Variants in NGLY1 observed in about 807,000 individuals in gnomAD.
The protein encoded by NGLY1 is N-glycanase 1, also known as peptide-N(4)-(N-acetyl-beta-glucosaminyl)asparagine amidase.
NGLY1 carries 68 observed loss-of-function variants against 84.6 expected under a neutral mutation model. The observed-to-expected ratio is 0.80, with a 90% CI of 0.66 to 0.98. The LOEUF is 0.98. Among genes scored for constraint, NGLY1 ranks in the 50% least tolerant of loss-of-function variants. The probability of loss-of-function intolerance (pLI) is 0.00; values close to 1 mark genes in which losing one functional copy is unlikely to be tolerated. For missense variants in NGLY1, 779 were observed against 770.2 expected, an observed-to-expected ratio of 1.01 and a Z score of -0.14; for synonymous variants, 280 against 275.2, an observed-to-expected ratio of 1.02 and a Z score of -0.17.
Position 25,736,434 on chromosome 3 carries a change from A to G in NGLY1, c.1004-285T>C, listed in dbSNP as rs912960542. ...GGTAGACATATTAAAGAGCAGCATA[A>G]AAAATATCATCCTGAGTTTACTATC... On this transcript the variant is annotated intron_variant, in intron 6 of 11. Coordinates refer to ENST00000280700, the MANE Select transcript of NGLY1 (RefSeq NM_018297.4). The G allele has an allele frequency of 7.4e-6, 11 of 1,487,444 alleles. No individual in the cohort carries two copies. The African/African-American group carries it at 1.1e-4, about 15-fold the overall frequency. The allele number at this position is 1,487,444 out of a possible 1,614,324, so 92.1% of individuals were successfully genotyped here. A position where few individuals can be genotyped will look rare whatever the true frequency, so the allele number is the denominator to read the frequency against.
chr3:25,723,446 T>A (rs1349650410), intron 10 of NGLY1, among the ~76,000 whole-genome samples: 1 of 152,150 alleles, frequency 6.6e-6, no homozygotes, highest in Non-Finnish European at 1.5e-5. Context: ...TCCTATCATC[T>A]TTTTTTGCAC....
intron 11 of NGLY1, 106 bp from the exon 12 acceptor site, chr3:25,719,741 C>A (rs928010747): frequency 2.0e-5 from 17 of 855,402 alleles, no homozygotes; most frequent in East Asian, 5.4e-5. Flanking sequence ...TTAAAATAAA[C>A]CCTTAAAAAT....
At chr3:25,756,366 A>C (rs1383603112) in intron 3 of NGLY1, among the ~76,000 whole-genome samples, 1 of 152,150 alleles carries the variant, frequency 6.6e-6, no homozygotes, top group African/African-American at 2.4e-5. Flanking sequence ...CTATATGCCT[A>C]ATGTTTTGTG....
Position 25,720,089 on chromosome 3 carries a change from T to C in NGLY1, c.1714A>G (p.Ser572Gly), listed in dbSNP as rs757626321. 3.7e-6 allele frequency: 6 copies of C among 1,613,758 alleles called. No individual in the cohort carries two copies. Among genetic ancestry groups the C allele is most frequent in the Non-Finnish European group, 5.1e-6 (6 of 1,179,822 alleles). ...LKVDSISIRT[S>G]SQTFQTGTVE... ...GTTCCAGTCTGAAAAGTTTGACTAC[T>C]TGTTCTAATAGAAATGCTATCTACT... The change falls in exon 11 of 12, where the codon AGT (serine) becomes GGT (glycine). Residue 572 changes from serine to glycine, a missense_variant. Transcript: ENST00000280700.
intron 3 of NGLY1, among the ~76,000 whole-genome samples, chr3:25,752,507 A>T (rs1706807809): frequency 6.6e-6 from 1 of 152,158 alleles, no homozygotes; most frequent in South Asian, 2.1e-4. Context: ...GGCATAAGCC[A>T]CCACGCCTGG....
chr3:25,746,366 C>T (rs1575629317), intron 4 of NGLY1, among the ~76,000 whole-genome samples: 3 of 152,198 alleles, frequency 2.0e-5, no homozygotes. Flanking sequence ...CATTTCTTTC[C>T]TATTTTAATT....
At chr3:25,765,285 C>T (rs1014359143) in intron 2 of NGLY1, among the ~76,000 whole-genome samples, 1 of 151,940 alleles carries the variant, frequency 6.6e-6, no homozygotes, top group African/African-American at 2.4e-5. Context: ...CATGGCAAAA[C>T]CCTGTCTCTA....
At chr3:25,747,674 T>C (rs1459431286) in intron 4 of NGLY1, among the ~76,000 whole-genome samples, 1 of 152,098 alleles carries the variant, frequency 6.6e-6, no homozygotes, top group Admixed American at 6.6e-5. Context: ...TCAACTGAAA[T>C]CAGTGACTTT....
At chr3:25,759,538 A>G (rs1707202306) in intron 3 of NGLY1, among the ~76,000 whole-genome samples, 1 of 152,160 alleles carries the variant, frequency 6.6e-6, no homozygotes, top group African/African-American at 2.4e-5. Context: ...ATTTTAAACA[A>G]TAAAGTTTAT....
chr3:25,740,697 C>T (rs1706094080), intron 4 of NGLY1, among the ~76,000 whole-genome samples: 1 of 151,992 alleles, frequency 6.6e-6, no homozygotes, highest in East Asian at 1.9e-4. Flanking sequence ...AAAAAAACTA[C>T]AGAGAATGTA....
chr3:25,741,131 A>G lies in NGLY1; in HGVS notation c.659-1332T>C, dbSNP rs929853771. ...TGACAGAGCGAAACTCTGTCTCATT[A>G]AAAAAAAAAAAAAAAAAAAAATTGA... is the stretch of plus-strand genomic sequence containing the variant. On this transcript the variant is annotated intron_variant, in intron 4 of 11. Coordinates refer to ENST00000280700, the MANE Select transcript of NGLY1 (RefSeq NM_018297.4). Among the ~76,000 whole-genome samples, 3 of 125,886 alleles carry G rather than the reference A, an allele frequency of 2.4e-5. No homozygotes were observed. The East Asian group carries it at 6.6e-4, about 28-fold the overall frequency. 82.6% of individuals were successfully genotyped at this position (125,886 alleles called of 152,430 possible).
At position 25,728,510 on chromosome 3, in the gene NGLY1, C is replaced by G. The variant is rs895486706; in HGVS notation, c.1611+623G>C. 3.2e-4 allele frequency among the ~76,000 whole-genome samples: 48 copies of G among 152,142 alleles called. 1 individual carries two copies. The highest frequency in any genetic ancestry group is 1.2e-3 in the African/African-American group (48 of 41,556). ...TTTTGGTGTGTTTCTAAGGAGCAGGCAGTTTTAAAGCAAAGCCTCTTATTT... is the reference window on the plus strand; with the variant it reads ...TTTTGGTGTGTTTCTAAGGAGCAGGGAGTTTTAAAGCAAAGCCTCTTATTT... On this transcript the variant is annotated intron_variant, in intron 10 of 11. Coordinates refer to ENST00000280700, the MANE Select transcript of NGLY1 (RefSeq NM_018297.4).
intron 1 of NGLY1, among the ~76,000 whole-genome samples, chr3:25,780,077 A>G (rs752285460): frequency 3.9e-5 from 6 of 152,272 alleles, no homozygotes; most frequent in Non-Finnish European, 8.8e-5. Context: ...TTATAGGTCC[A>G]TAAGGGATTG....
chr3:25,761,455 A>G (rs1707321313), intron 3 of NGLY1, among the ~76,000 whole-genome samples: 1 of 152,218 alleles, frequency 6.6e-6, no homozygotes, highest in Non-Finnish European at 1.5e-5. Context: ...ATGTACAACC[A>G]GCAAGTTTGA....
intron 10 of NGLY1, among the ~76,000 whole-genome samples, chr3:25,722,631 C>T (rs558305259): frequency 1.1e-4 from 17 of 152,300 alleles, no homozygotes; most frequent in African/African-American, 4.1e-4. Flanking sequence ...ATATGTATAG[C>T]CAACTGTTAT....
At chr3:25,750,786 A>T (rs898308773) in intron 4 of NGLY1, among the ~76,000 whole-genome samples, 3 of 152,246 alleles carry the variant, frequency 2.0e-5, no homozygotes, top group African/African-American at 7.2e-5. Context: ...AAAACAATGT[A>T]TAAGAGCAAA....
intron 2 of NGLY1, among the ~76,000 whole-genome samples, chr3:25,770,546 T>C (rs527304345): frequency 1.6e-4 from 24 of 152,358 alleles, no homozygotes; most frequent in African/African-American, 4.1e-4. Flanking sequence ...GCAAGTATCT[T>C]CTTCATATAA....
chr3:25,778,834 T>C (rs778782034), intron 1 of NGLY1, 146 bp from the exon 2 acceptor site: 2 of 403,116 alleles, frequency 5.0e-6, no homozygotes, highest in South Asian at 5.9e-5. Flanking sequence ...GTTTTTACTA[T>C]AAGTAAAAAC....
In NGLY1 at chr3:25,720,181, G is replaced by A. The variant is rs752138969; in HGVS notation, c.1622C>T (p.Ala541Val). The part of the protein sequence containing the change: ...VETDWHMVYL[A>V]RKEGSSFAYI... ...AGCAAAAGATGATCCTTCCTTTCGG[G>A]CCAAATATACCTATAAGGAGTAGGG... is the stretch of plus-strand genomic sequence containing the variant. The change falls in exon 11 of 12, where the codon GCC becomes GTC. Residue 541 changes from alanine to valine, a missense_variant. By Grantham distance (64) the Ala-to-Val change is moderately conservative (BLOSUM62 0). Coordinates refer to ENST00000280700, the MANE Select transcript of NGLY1 (RefSeq NM_018297.4). 6 of 1,612,918 alleles carry A rather than the reference G, an allele frequency of 3.7e-6. No individual in the cohort carries two copies. Among genetic ancestry groups the A allele is most frequent in the Non-Finnish European group, 5.1e-6 (6 of 1,179,324 alleles).
Sources: gnomAD v4.1 joint callset for allele counts (sites outside exome capture counted in the v4.1 genomes callset) on GRCh38, gnomAD v4.1.1 for gene constraint, MANE v1.5 for transcripts, NCBI Gene and HGNC (gene_info 2026-07-23, HGNC 2026-07-21) for gene names.